The following ARID2 variants were observed in gnomAD, a reference collection of about 807,000 sequenced individuals.
The protein encoded by ARID2 is AT-rich interactive domain-containing protein 2.
A neutral mutation model predicts 184.6 loss-of-function variants in ARID2; 32 were observed. That is an observed-to-expected ratio of 0.17 (90% CI 0.13 to 0.23). The LOEUF (loss-of-function observed/expected upper bound fraction) is 0.23. Ranked by LOEUF, ARID2 falls within the 10% of genes least tolerant of loss-of-function variation. The probability of loss-of-function intolerance (pLI) is 1.00; values close to 1 mark genes in which losing one functional copy is unlikely to be tolerated. For missense variants in ARID2, 1,696 were observed against 2,197.6 expected, an observed-to-expected ratio of 0.77 and a Z score of 4.56; for synonymous variants, 836 against 772.6, an observed-to-expected ratio of 1.08 and a Z score of -1.36.
chr12:45,867,794 T>C (rs1257980529), intron 16 of ARID2, among the ~76,000 whole-genome samples: 2 of 151,752 alleles, frequency 1.3e-5, no homozygotes, highest in Non-Finnish European at 2.9e-5. Flanking sequence ...TCTTACTATG[T>C]TGCCTAAGCT....
At chr12:45,820,490 T>C (rs1942878552) in intron 5 of ARID2, among the ~76,000 whole-genome samples, 1 of 152,208 alleles carries the variant, frequency 6.6e-6, no homozygotes, top group Non-Finnish European at 1.5e-5. Context: ...ACACGTCCAA[T>C]AAGGAAGCTT....
At position 45,906,823 on chromosome 12, in the gene ARID2, C is replaced by G. The variant is rs1051899729; in HGVS notation, c.*1745C>G. On this transcript the variant is annotated 3_prime_UTR_variant, in exon 21 of 21. Coordinates refer to ENST00000334344, the MANE Select transcript of ARID2 (RefSeq NM_152641.4). ...TTAAAGCTCAATATGCCTTTTTTTA[C>G]TGGATACTGTACATTTGGCTAAAAG... 4.3e-6 allele frequency: 1 copy of G among 231,994 alleles called. No individual in the cohort carries two copies. The highest frequency in any genetic ancestry group is 8.5e-6 in the Non-Finnish European group (1 of 117,442). The allele number at this position is 231,994 out of a possible 1,614,324, so 14.4% of individuals were successfully genotyped here.
intron 6 of ARID2, among the ~76,000 whole-genome samples, chr12:45,830,039 A>G (rs555705505): frequency 6.7e-6 from 1 of 149,360 alleles, no homozygotes; most frequent in South Asian, 2.1e-4. Context: ...GAAGATTTTT[A>G]AAAATCTTTT....
At chr12:45,822,213 T>C (rs1285296401) in intron 6 of ARID2, among the ~76,000 whole-genome samples, 1 of 152,118 alleles carries the variant, frequency 6.6e-6, no homozygotes, top group Non-Finnish European at 1.5e-5. Flanking sequence ...TAAAAGTAGC[T>C]CTCTTGGGCT....
intron 3 of ARID2, among the ~76,000 whole-genome samples, chr12:45,759,890 G>A (rs1941641385): frequency 6.6e-6 from 1 of 151,932 alleles, no homozygotes; most frequent in Admixed American, 6.6e-5. Flanking sequence ...TGTACATTTG[G>A]GAGATTTTAT....
In ARID2 at chr12:45,907,205, T is replaced by TA. The variant is rs1944540985; in HGVS notation, c.*2128dup. 4.3e-6 allele frequency: 1 copy of TA among 232,868 alleles called. No homozygotes were observed. Among genetic ancestry groups the TA allele is most frequent in the Non-Finnish European group, 8.5e-6 (1 of 117,820 alleles). 14.4% of individuals were successfully genotyped at this position (232,868 alleles called of 1,614,324 possible). A position where few individuals can be genotyped will look rare whatever the true frequency, so the allele number is the denominator to read the frequency against. Reference sequence around the variant, plus strand: ...GGATGGCCTTCAGAGCCCTCAAACTTACAAGCACCTGGTAGTTGACATCAT... The same window carrying TA: ...GGATGGCCTTCAGAGCCCTCAAACTTAACAAGCACCTGGTAGTTGACATCAT... On this transcript the variant is annotated 3_prime_UTR_variant, in exon 21 of 21. Coordinates refer to ENST00000334344, the MANE Select transcript of ARID2 (RefSeq NM_152641.4).
chr12:45,828,117 C>A (rs1346413389), intron 6 of ARID2, among the ~76,000 whole-genome samples: 1 of 151,956 alleles, frequency 6.6e-6, no homozygotes, highest in Non-Finnish European at 1.5e-5. Context: ...GTAATCGTTA[C>A]CCAGATGAAG....
chr12:45,794,388 T>C (rs1942349651), intron 3 of ARID2, among the ~76,000 whole-genome samples: 1 of 152,256 alleles, frequency 6.6e-6, no homozygotes, highest in Non-Finnish European at 1.5e-5. Context: ...GAAAACATCT[T>C]GCATAAATGA....
intron 3 of ARID2, among the ~76,000 whole-genome samples, chr12:45,731,645 A>G (rs999190323): frequency 6.6e-6 from 1 of 152,164 alleles, no homozygotes; most frequent in Non-Finnish European, 1.5e-5. Context: ...AAGACTTAAG[A>G]TAGTTAATGA....
intron 3 of ARID2, among the ~76,000 whole-genome samples, chr12:45,793,874 ATTCTT>A (rs943753226): frequency 2.7e-5 from 4 of 148,896 alleles, no homozygotes; most frequent in African/African-American, 9.9e-5. Context: ...TATTTTTTCT[ATTCTT>A]TCCTTTTTGA....
chr12:45,843,019 A>G lies in ARID2; in HGVS notation c.1498+3523A>G, dbSNP rs1943380701. On this transcript the variant is annotated intron_variant, in intron 11 of 20. Coordinates refer to ENST00000334344, the MANE Select transcript of ARID2 (RefSeq NM_152641.4). ...GTTCTTTGAACTTCAGAATTATCCA[A>G]AAAGTATTAAACTTATTTTTTACAA... Among the ~76,000 whole-genome samples the G allele has an allele frequency of 2.6e-5, 4 of 152,264 alleles. No individual in the cohort carries two copies. The South Asian group carries it at 8.3e-4, about 32-fold the overall frequency.
chr12:45,758,609 A>G (rs976320420), intron 3 of ARID2, among the ~76,000 whole-genome samples: 1 of 152,196 alleles, frequency 6.6e-6, no homozygotes, highest in African/African-American at 2.4e-5. Flanking sequence ...TCTCTCTGAT[A>G]TAACAGTCCA....
At position 45,791,955 on chromosome 12, in the gene ARID2, AG is replaced by A. The variant is rs199623055; in HGVS notation, c.285-19462del. Among the ~76,000 whole-genome samples, 5 of 152,302 alleles carry A rather than the reference AG, an allele frequency of 3.3e-5. No individual in the cohort carries two copies. The East Asian group carries it at 9.6e-4, about 29-fold the overall frequency. ...TCTTTCATTCTTAACATTGGTAATT[AG>A]TGCACTTTCTTTTCCACCCCCATCA... On this transcript the variant is annotated intron_variant, in intron 3 of 20. Transcript: ENST00000334344.
intron 15 of ARID2, among the ~76,000 whole-genome samples, chr12:45,857,933 T>C (rs1943678952): frequency 6.6e-6 from 1 of 152,148 alleles, no homozygotes; most frequent in African/African-American, 2.4e-5. Flanking sequence ...CTGATTTTTG[T>C]ATTTTCTGTA....
chr12:45,796,080 T>C (rs970989058), intron 3 of ARID2, among the ~76,000 whole-genome samples: 1 of 151,598 alleles, frequency 6.6e-6, no homozygotes, highest in African/African-American at 2.4e-5. Flanking sequence ...CCACTTTCTC[T>C]ACCACTTAAA....
At chr12:45,899,415 T>G (rs572183164) in intron 20 of ARID2, among the ~76,000 whole-genome samples, 8 of 145,660 alleles carry the variant, frequency 5.5e-5, no homozygotes, top group Admixed American at 1.4e-4. Context: ...CCATCCTGGC[T>G]AACACAGTGA....
At chr12:45,866,928 T>TTTGTTGTTGTTGTTG (rs369872664) in intron 16 of ARID2, among the ~76,000 whole-genome samples, 4 of 150,054 alleles carry the variant, frequency 2.7e-5, no homozygotes, top group African/African-American at 7.4e-5. Context: ...TTTTGTGAAG[T>TTTGTTGTTGTTGTTG]TTGTTGTTGT....
intron 3 of ARID2, among the ~76,000 whole-genome samples, chr12:45,755,208 G>T (rs1046477700): frequency 1.3e-5 from 2 of 152,218 alleles, no homozygotes; most frequent in Non-Finnish European, 2.9e-5. Flanking sequence ...TAGTGAGGAT[G>T]TGAGATTTGG....
intron 3 of ARID2, among the ~76,000 whole-genome samples, chr12:45,791,364 T>G (rs1003996744): frequency 1.3e-5 from 2 of 152,244 alleles, no homozygotes; most frequent in Non-Finnish European, 2.9e-5. Context: ...TGTGGCAAAT[T>G]ACATTTTAAA....
Sources: allele counts gnomAD v4.1 joint callset (sites outside exome capture counted in the v4.1 genomes callset), GRCh38; gene constraint gnomAD v4.1.1; transcripts MANE v1.5; gene names NCBI Gene and HGNC (gene_info 2026-07-23, HGNC 2026-07-21).